PCDHGB1: variants seen among roughly 807,000 people sequenced by gnomAD.
PCDHGB1 encodes protocadherin gamma subfamily B, 1, also known as protocadherin gamma-B1.
In PCDHGB1, 34 loss-of-function variants were observed where a neutral mutation model predicts 56.6. That is an observed-to-expected ratio of 0.60 (90% confidence interval 0.46 to 0.80). The LOEUF is 0.80. Ranked by LOEUF, PCDHGB1 falls within the 30% of genes least tolerant of loss-of-function variation. The pLI is 0.00. For missense variants in PCDHGB1, 1,278 were observed against 1,204.6 expected (o/e 1.06, Z -0.90); for synonymous variants, 561 against 505.9 (o/e 1.11, Z -1.46).
chr5:141,501,439 C>G (rs1245306644), intron 2 of PCDHGB1, among the ~76,000 whole-genome samples: 1 of 151,978 alleles, frequency 6.6e-6, no homozygotes, highest in Non-Finnish European at 1.5e-5. Context: ...TCCATTTCTT[C>G]CATTTTTACT....
At chr5:141,475,512 C>A (rs2099364350) in intron 1 of PCDHGB1, among the ~76,000 whole-genome samples, 2 of 152,326 alleles carry the variant, frequency 1.3e-5, no homozygotes, top group South Asian at 4.1e-4. Context: ...AATGTCTCCA[C>A]GGAAATGCTA....
intron 1 of PCDHGB1, chr5:141,366,276 A>G (rs779768182): frequency 1.9e-6 from 3 of 1,613,672 alleles, no homozygotes; most frequent in Non-Finnish European, 2.5e-6. Flanking sequence ...GTCGAAGACC[A>G]TGGCCAGCCC....
chr5:141,454,128 C>T (rs988254902), intron 1 of PCDHGB1, among the ~76,000 whole-genome samples: 4 of 152,122 alleles, frequency 2.6e-5, no homozygotes, highest in African/African-American at 7.2e-5. Flanking sequence ...AATAGCTGAC[C>T]ATGGGAATGT....
At chr5:141,478,417 C>G in intron 1 of PCDHGB1, 1 of 1,613,652 alleles carries the variant, frequency 6.2e-7, no homozygotes, top group Non-Finnish European at 8.5e-7. Context: ...CGGACTCCCG[C>G]CGCAGCGACC....
At chr5:141,409,709 T>G (rs1328690143) in intron 1 of PCDHGB1, 2 of 1,613,198 alleles carry the variant, frequency 1.2e-6, no homozygotes, top group Non-Finnish European at 8.5e-7. Context: ...GGCGGTGTCG[T>G]CATACGTGTC....
intron 1 of PCDHGB1, chr5:141,366,404 T>C (rs1404249999): frequency 6.8e-6 from 11 of 1,614,180 alleles, no homozygotes; most frequent in Non-Finnish European, 9.3e-6. Context: ...CCTCACACTC[T>C]ATCTTGTGGT....
At chr5:141,410,516 C>T in intron 1 of PCDHGB1, 2 of 1,613,910 alleles carry the variant, frequency 1.2e-6, no homozygotes, top group Middle Eastern at 1.6e-4. Context: ...ATGCAGTGTG[C>T]CCCTACATTC....
intron 1 of PCDHGB1, among the ~76,000 whole-genome samples, chr5:141,471,855 G>A (rs955016680): frequency 3.3e-5 from 5 of 152,108 alleles, no homozygotes; most frequent in Non-Finnish European, 7.4e-5. Context: ...TTCAGAAAAA[G>A]CAAAACTGTG....
At chr5:141,357,171 C>G (rs1043830490) in intron 1 of PCDHGB1, 1 of 1,613,704 alleles carries the variant, frequency 6.2e-7, no homozygotes, top group East Asian at 2.2e-5. Flanking sequence ...TCTCGGCCAC[C>G]GTCACACTCA....
chr5:141,461,813 C>T (rs2099023751), intron 1 of PCDHGB1, among the ~76,000 whole-genome samples: 1 of 151,846 alleles, frequency 6.6e-6, no homozygotes, highest in African/African-American at 2.4e-5. Flanking sequence ...ACCACCACAC[C>T]CAGCTAATTT....
At chr5:141,419,385 C>T (rs753470433) in intron 1 of PCDHGB1, 6 of 1,613,686 alleles carry the variant, frequency 3.7e-6, no homozygotes, top group Admixed American at 1.7e-5. Context: ...TCCGTGAGCG[C>T]GCAGAGCGGG....
chr5:141,486,100 C>G lies in PCDHGB1; in HGVS notation c.2410-8707C>G. Reference sequence around the variant, plus strand: ...AGCTTACTCTTTTGGGGCCCCTAGACTTTGAGAGTGAGAATTACTATGAAT... The same window carrying G: ...AGCTTACTCTTTTGGGGCCCCTAGAGTTTGAGAGTGAGAATTACTATGAAT... On this transcript the variant is annotated intron_variant, in intron 1 of 3. Transcript: ENST00000523390. This position sits in a 1 kb window ranked among gnomAD's most constrained non-coding sequence, Gnocchi z 5.0. 1 of 1,614,190 alleles carries G rather than the reference C, an allele frequency of 6.2e-7. No individual in the cohort carries two copies. The highest frequency in any genetic ancestry group is 1.1e-5 in the South Asian group (1 of 91,086).
chr5:141,383,036 G>A, intron 1 of PCDHGB1: 1 of 1,613,876 alleles, frequency 6.2e-7, no homozygotes, highest in Non-Finnish European at 8.5e-7. Flanking sequence ...TCCTTTGTGG[G>A]AGACATCGCC....
At chr5:141,420,965 TA>T (rs1468739825) in intron 1 of PCDHGB1, 6 of 433,892 alleles carry the variant, frequency 1.4e-5, no homozygotes, top group African/African-American at 1.0e-4. Flanking sequence ...GTCGTTGCAA[TA>T]ATAAGAATGG....
chr5:141,433,352 T>C (rs976015031), intron 1 of PCDHGB1: 16 of 614,162 alleles, frequency 2.6e-5, no homozygotes, highest in Non-Finnish European at 3.7e-5. Flanking sequence ...AGCCACCTAC[T>C]GTCTGCCTAT....
At position 141,351,639 on chromosome 5, in the gene PCDHGB1, A is replaced by G. The variant is rs552754324; in HGVS notation, c.1379A>G (p.Asn460Ser). ...TCCTATGTGGTCCACGTGTCTGAGA[A>G]CAACCCACCTGGCGCCTCCATTGCA... is the stretch of plus-strand genomic sequence containing the variant. ...QASYVVHVSE[N>S]NPPGASIAQV... Residue 460 changes from asparagine to serine, a missense_variant, in exon 1 of 4, where the codon AAC (asparagine) becomes AGC (serine). Transcript: ENST00000523390. The G allele has an allele frequency of 2.5e-6, 4 of 1,614,040 alleles. No individual in the cohort carries two copies. Among genetic ancestry groups the G allele is most frequent in the African/African-American group, 1.3e-5 (1 of 75,058 alleles).
intron 1 of PCDHGB1, chr5:141,384,766 A>T (rs1277766667): frequency 6.2e-7 from 1 of 1,613,916 alleles, no homozygotes; most frequent in South Asian, 1.1e-5. Context: ...TGGGCTGTAC[A>T]CGGGCGAGGT....
At position 141,430,974 on chromosome 5, in the gene PCDHGB1, C is replaced by T. The variant is rs141488923; in HGVS notation, c.2410-63833C>T. The T allele has an allele frequency of 7.0e-4, 1,130 of 1,613,070 alleles. 8 individuals carry two copies. In the African/African-American group the frequency reaches 0.014, roughly 19 times the overall value. On this transcript the variant is annotated intron_variant, in intron 1 of 3. Transcript: ENST00000523390. ...GTCCGCATCATCCCCAGAGGTAGGA[C>T]GCAGCTTTTCGCCCTGAATCCGCGC...
At chr5:141,361,293 G>C (rs1406252392) in intron 1 of PCDHGB1, 2 of 1,613,900 alleles carry the variant, frequency 1.2e-6, no homozygotes, top group African/African-American at 2.7e-5. Flanking sequence ...ACTGCCAAGT[G>C]TTGGGAAATG....
Sources: allele counts gnomAD v4.1 joint callset (sites outside exome capture counted in the v4.1 genomes callset), GRCh38; gene constraint gnomAD v4.1.1; non-coding constraint Gnocchi (gnomAD v3.1); transcripts MANE v1.5; gene names NCBI Gene and HGNC (gene_info 2026-07-23, HGNC 2026-07-21).